The following SETDB1 variants were observed in gnomAD, a reference collection of about 807,000 sequenced individuals.
SETDB1 encodes the protein histone-lysine N-methyltransferase SETDB1.
Under a neutral mutation model 137.4 loss-of-function variants are expected in SETDB1, and 31 were observed. The ratio of observed to expected loss-of-function variants is 0.23; its 90% CI spans 0.17 to 0.30. The LOEUF is 0.30. Ranked by LOEUF, SETDB1 falls within the 10% of genes least tolerant of loss-of-function variation. The pLI, the probability that SETDB1 is intolerant of heterozygous loss-of-function variation, is 1.00. For missense variants in SETDB1, 1,113 were observed against 1,631.5 expected (o/e 0.68, Z 5.47); for synonymous variants, 548 against 579.9 (o/e 0.95, Z 0.79).
rs1669515647 is a variant in SETDB1 at position 150,926,406 on chromosome 1, C to G, written c.-123C>G. On this transcript the variant is annotated 5_prime_UTR_variant, in exon 1 of 22. Coordinates refer to ENST00000692827, the MANE Select transcript of SETDB1 (RefSeq NM_001366418.1). ...TCCCTCTTTCACGCTTCCTCCCCTC[C>G]CCCTCCTCCCTTATCCCTTCGCTTT... 2 of 218,330 alleles carry G rather than the reference C, an allele frequency of 9.2e-6. No homozygotes were observed. Among genetic ancestry groups the G allele is most frequent in the African/African-American group, 2.4e-5 (1 of 42,138 alleles). 13.5% of individuals were successfully genotyped at this position (218,330 alleles called of 1,614,324 possible). A position where few individuals can be genotyped will look rare whatever the true frequency, so the allele number is the denominator to read the frequency against.
At chr1:150,955,040 G>C (rs894819611) in intron 14 of SETDB1, among the ~76,000 whole-genome samples, 2 of 152,176 alleles carry the variant, frequency 1.3e-5, no homozygotes, top group Non-Finnish European at 2.9e-5. Flanking sequence ...TGAGGTGCCT[G>C]AATACATTCA....
chr1:150,949,270 T>A lies in SETDB1; in HGVS notation c.1416T>A (p.Gly472=), dbSNP rs778380107. The A allele has an allele frequency of 5.6e-6, 9 of 1,613,630 alleles. No individual in the cohort carries two copies. In the African/African-American group the frequency reaches 1.1e-4, roughly 19 times the overall value. ...PPAPPLSPQA[G]DSESLESQLA... ...CTCCACCTCTATCCCCCCAAGCAGG[T>A]GACAGTGAGTGAGTGTTATTCTTTC... is the stretch of plus-strand genomic sequence containing the variant. Residue 472 remains glycine (G), a synonymous_variant, in exon 11 of 22, where the codon GGT becomes GGA. Transcript: ENST00000692827.
chr1:150,956,920 G>T (rs1001149731), intron 14 of SETDB1, among the ~76,000 whole-genome samples: 10 of 152,114 alleles, frequency 6.6e-5, no homozygotes, highest in Non-Finnish European at 1.5e-4. Flanking sequence ...TTCCAGACTT[G>T]CCTGGGCAAT....
At position 150,945,090 on chromosome 1, in the gene SETDB1, A is replaced by C; in HGVS notation, c.1122A>C (p.Leu374=). Residue 374 remains leucine (L), a synonymous_variant, in exon 9 of 22, where the codon CTA becomes CTC. Transcript: ENST00000692827. The part of the protein sequence containing the change: ...KSRVEEVDGS[L]VRILFLDDKR... ...GAGTTGAGGAGGTGGATGGCAGCCT[A>C]GTCAGGATCCTCTTCCTGGTACTGT... is the stretch of plus-strand genomic sequence containing the variant. 6.2e-7 allele frequency: 1 copy of C among 1,614,064 alleles called. No individual in the cohort carries two copies. The highest frequency in any genetic ancestry group is 2.2e-5 in the East Asian group (1 of 44,880).
chr1:150,963,336 C>T (rs1174425437), intron 19 of SETDB1, 194 bp from the exon 20 acceptor site: 5 of 711,540 alleles, frequency 7.0e-6, no homozygotes, highest in East Asian at 5.3e-5. Flanking sequence ...TTACTCTTTC[C>T]CCTCAGCTCC....
At position 150,950,646 on chromosome 1, in the gene SETDB1, G is replaced by C; in HGVS notation, c.1772G>C (p.Arg591Thr). 1 of 1,614,164 alleles carries C rather than the reference G, an allele frequency of 6.2e-7. No individual in the cohort carries two copies. The highest frequency in any genetic ancestry group is 8.5e-7 in the Non-Finnish European group (1 of 1,180,028). The change falls in exon 13 of 22, where the codon AGG becomes ACG. Residue 591 changes from arginine (R) to threonine (T), a missense_variant. Arg to Thr is a moderately conservative substitution (Grantham distance 71). This residue lies in a region of SETDB1 where 192 missense variants were observed against 198.1 expected (regional missense o/e 0.97). Transcript: ENST00000692827. The part of the protein sequence containing the change: ...YTCLSRVRPM[R>T]NEQYRGKNPL... ...TGTCTGTCTCGAGTCAGACCTATGAGGAATGAGCAGTACCGGGGCAAGAAC... is the reference window on the plus strand; with the variant it reads ...TGTCTGTCTCGAGTCAGACCTATGACGAATGAGCAGTACCGGGGCAAGAAC...
chr1:150,940,526 C>G (rs996809869), intron 4 of SETDB1, among the ~76,000 whole-genome samples: 7 of 150,742 alleles, frequency 4.6e-5, no homozygotes, highest in African/African-American at 1.7e-4. Flanking sequence ...TGAGATCGCA[C>G]CACCGCACTC....
chr1:150,941,388 T>C lies in SETDB1; in HGVS notation c.507T>C (p.Asp169=). The C allele has an allele frequency of 6.2e-7, 1 of 1,613,622 alleles. No individual in the cohort carries two copies. The highest frequency in any genetic ancestry group is 8.5e-7 in the Non-Finnish European group (1 of 1,179,546). Residue 169 remains aspartate (D), a synonymous_variant, in exon 5 of 22, where the codon GAT becomes GAC. Coordinates refer to ENST00000692827, the MANE Select transcript of SETDB1 (RefSeq NM_001366418.1). The stretch of plus-strand genomic sequence containing the variant: ...CTCAAGATGTTCAGAAGTTCATGGA[T>C]GCTGTCAACAAGAAGAGCAGTTCCC... The part of the protein sequence containing the change: ...KSAQDVQKFM[D]AVNKKSSSQD...
intron 1 of SETDB1, chr1:150,926,849 C>CT (rs771874411): frequency 1.9e-6 from 1 of 533,236 alleles, no homozygotes; most frequent in Non-Finnish European, 3.8e-6. Context: ...CTTCTCTGTA[C>CT]TTTGGGGGAA....
chr1:150,926,611 C>CT, intron 1 of SETDB1, 94 bp downstream of exon 1: 1 of 422,222 alleles, frequency 2.4e-6, no homozygotes, highest in Non-Finnish European at 4.7e-6. Flanking sequence ...GGAAGGAAGT[C>CT]TTCCCCAGAG....
rs587660696 is a variant in SETDB1 at position 150,939,305 on chromosome 1, C to T, written c.413-635C>T. Among the ~76,000 whole-genome samples the T allele has an allele frequency of 2.3e-5, 3 of 129,190 alleles. No homozygotes were observed. In the South Asian group the frequency reaches 7.5e-4, roughly 32 times the overall value. The allele number at this position is 129,190 out of a possible 152,430, so 84.8% of individuals were successfully genotyped here. A position where few individuals can be genotyped will look rare whatever the true frequency, so the allele number is the denominator to read the frequency against. On this transcript the variant is annotated intron_variant, in intron 3 of 21. Coordinates refer to ENST00000692827, the MANE Select transcript of SETDB1 (RefSeq NM_001366418.1). ...ACAGGGTTTTGCTGTGTTGTTCAGG[C>T]TTGAACTATACATTTTTATTTTTTA...
intron 15 of SETDB1, 71 bp from the exon 16 acceptor site, chr1:150,960,492 A>AT (rs949501636): frequency 7.4e-7 from 1 of 1,352,384 alleles, no homozygotes; most frequent in African/African-American, 1.6e-5. Context: ...AAAAAAAAAA[A>AT]AAAGCAAACA....
At chr1:150,926,342 A>C (rs1027174684), upstream of SETDB1, 2 of 224,216 alleles carry the variant, frequency 8.9e-6, no homozygotes, top group Non-Finnish European at 1.8e-5. Context: ...CCGGAACGGC[A>C]CTAAAGGTTT....
At chr1:150,936,649 G>C (rs2102666545) in intron 3 of SETDB1, among the ~76,000 whole-genome samples, 1 of 152,224 alleles carries the variant, frequency 6.6e-6, no homozygotes, top group African/African-American at 2.4e-5. Flanking sequence ...TACTGTAAGA[G>C]AGTCACTAGT....
At chr1:150,939,727 A>G (rs1670071742) in intron 3 of SETDB1, among the ~76,000 whole-genome samples, 1 of 152,076 alleles carries the variant, frequency 6.6e-6, no homozygotes, top group Admixed American at 6.6e-5. Context: ...AGCAGGGATT[A>G]CAGGTGTGAG....
At position 150,960,812 on chromosome 1, in the gene SETDB1, G is replaced by A; in HGVS notation, c.2753G>A (p.Ser918Asn). 1 of 1,607,342 alleles carries A rather than the reference G, an allele frequency of 6.2e-7. No individual in the cohort carries two copies. Among genetic ancestry groups the A allele is most frequent in the South Asian group, 1.1e-5 (1 of 89,796 alleles). The change falls in exon 16 of 22, where the codon AGC (serine) becomes AAC (asparagine). Residue 918 changes from serine (S) to asparagine (N), a missense_variant. Ser to Asn is a conservative substitution (Grantham distance 46, BLOSUM62 1). This residue lies in a region of SETDB1 where 373 missense variants were observed against 412.7 expected (regional missense o/e 0.90). Transcript: ENST00000692827. The stretch of plus-strand genomic sequence containing the variant: ...AACTTCTGTAAGGATGAGGACTTCA[G>A]CACCAGTTCAGTGTGGCGGAGCTAT... Reference protein sequence around the residue: ...DDNFCKDEDFSTSSVWRSYAT... With the variant: ...DDNFCKDEDFNTSSVWRSYAT...
chr1:150,951,280 T>G (rs1188518537), intron 13 of SETDB1, 85 bp from the exon 14 acceptor site: 31 of 1,163,964 alleles, frequency 2.7e-5, no homozygotes, highest in Admixed American at 1.8e-5. Flanking sequence ...ATGGCCACAC[T>G]GAGCAACCTT....
intron 9 of SETDB1, 124 bp from the exon 10 acceptor site, chr1:150,946,762 A>G (rs1035902900): frequency 8.8e-7 from 1 of 1,132,138 alleles, no homozygotes; most frequent in East Asian, 2.5e-5. Context: ...GCTTAGACTA[A>G]GGAATTTAAG....
rs1670143100 is a variant in SETDB1, at chr1:150,941,334, T to C, written c.453T>C (p.Arg151=). ...GSRTPKDQKL[R]EAMAALRKSA... is the part of the protein sequence containing the mutation. The stretch of plus-strand genomic sequence containing the variant: ...CCTCATCCCCTTTTCTACAGCTCCG[T>C]GAAGCTATGGCTGCCTTAAGAAAGT... Residue 151 remains arginine, a synonymous_variant, in exon 5 of 22, where the codon CGT becomes CGC. Coordinates refer to ENST00000692827, the MANE Select transcript of SETDB1 (RefSeq NM_001366418.1). The C allele has an allele frequency of 2.5e-6, 4 of 1,608,454 alleles. No individual in the cohort carries two copies.
Sources: gnomAD v4.1 joint callset for allele counts (sites outside exome capture counted in the v4.1 genomes callset) on GRCh38, gnomAD v4.1.1 for gene constraint, gnomAD v4.1.1 regional missense constraint, MANE v1.5 for transcripts, NCBI Gene and HGNC (gene_info 2026-07-23, HGNC 2026-07-21) for gene names.